Variants in GART observed in about 807,000 individuals in gnomAD.
The protein encoded by GART is phosphoribosylglycinamide formyltransferase, phosphoribosylglycinamide synthetase, phosphoribosylaminoimidazole synthetase.
GART carries 43 observed loss-of-function variants against 107.2 expected under a neutral mutation model. The ratio of observed to expected loss-of-function variants is 0.40; its 90% confidence interval spans 0.31 to 0.52. GART has a LOEUF of 0.52. Ranked by LOEUF, GART falls within the 20% of genes least tolerant of loss-of-function variation. GART has a pLI of 0.52. For missense variants in GART, 1,107 were observed against 1,206.5 expected, an observed-to-expected ratio of 0.92 and a Z score of 1.22; for synonymous variants, 434 against 427.0, an observed-to-expected ratio of 1.02 and a Z score of -0.20.
chr21:33,512,289 G>GAAAAAAAAA (rs563178142), intron 16 of GART, among the ~76,000 whole-genome samples: 2 of 65,446 alleles, frequency 3.1e-5, no homozygotes, highest in African/African-American at 6.2e-5. Context: ...GACTCAAATT[G>GAAAAAAAAA]AAAAAAAAAA....
chr21:33,524,760 G>C lies in GART; in HGVS notation c.1298+9C>G, dbSNP rs201833951. 1 of 1,614,158 alleles carries C rather than the reference G, an allele frequency of 6.2e-7. No individual in the cohort carries two copies. Among genetic ancestry groups the C allele is most frequent in the African/African-American group, 1.3e-5 (1 of 75,062 alleles). On this transcript the variant is annotated intron_variant, in intron 11 of 21. Coordinates refer to ENST00000381815, the MANE Select transcript of GART (RefSeq NM_000819.5). ...AATGGCACTACAGCTAACTTGCTTAGAGTTTTACCTGGGCTGCTGGAGGAA... is the reference window on the plus strand; with the variant it reads ...AATGGCACTACAGCTAACTTGCTTACAGTTTTACCTGGGCTGCTGGAGGAA...
rs1401457595 is a variant in GART at position 33,528,957 on chromosome 21, A to G, written c.724-20T>C. The G allele has an allele frequency of 6.6e-7, 1 of 1,524,610 alleles. No individual in the cohort carries two copies. Among genetic ancestry groups the G allele is most frequent in the Admixed American group, 1.7e-5 (1 of 59,726 alleles). 94.4% of individuals were successfully genotyped at this position (1,524,610 alleles called of 1,614,324 possible). A position where few individuals can be genotyped will look rare whatever the true frequency, so the allele number is the denominator to read the frequency against. On this transcript the variant is annotated intron_variant, in intron 7 of 21. Transcript: ENST00000381815. ...AGAAACCTGGAGAACGTGCAGAAAC[A>G]GTTAAATGTAACAGGTAACTTAAAA...
chr21:33,518,365 C>A (rs1274451367), intron 14 of GART, among the ~76,000 whole-genome samples: 3 of 152,038 alleles, frequency 2.0e-5, no homozygotes, highest in Non-Finnish European at 4.4e-5. Context: ...GTAATCCCAG[C>A]TACTTGGGAG....
chr21:33,527,787 T>C (rs2085102755), intron 10 of GART, among the ~76,000 whole-genome samples: 1 of 152,204 alleles, frequency 6.6e-6, no homozygotes, highest in African/African-American at 2.4e-5. Context: ...TATGCATTTG[T>C]GATAATTCAG....
intron 2 of GART, among the ~76,000 whole-genome samples, chr21:33,535,720 C>T (rs912083278): frequency 6.6e-6 from 1 of 152,100 alleles, no homozygotes; most frequent in African/African-American, 2.4e-5. Context: ...GTACTGTCCT[C>T]AGCACTGGTA....
intron 18 of GART, among the ~76,000 whole-genome samples, chr21:33,508,378 T>A (rs1236262811): frequency 6.6e-6 from 1 of 152,116 alleles, no homozygotes; most frequent in Non-Finnish European, 1.5e-5. Flanking sequence ...GTTTATTACA[T>A]GGGAATGTTG....
At chr21:33,530,670 G>C in intron 7 of GART, 89 bp downstream of exon 7, 2 of 1,257,258 alleles carry the variant, frequency 1.6e-6, no homozygotes, top group Non-Finnish European at 2.1e-6. Flanking sequence ...CAAACAAACA[G>C]AAAACAAAAC....
chr21:33,531,150 C>A (rs896954790), intron 6 of GART: 15 of 388,968 alleles, frequency 3.9e-5, no homozygotes, highest in African/African-American at 2.9e-4. Context: ...ACCTTTCCCC[C>A]ACTTTAAGCT....
chr21:33,505,342 T>C (rs1392990404), intron 20 of GART, among the ~76,000 whole-genome samples: 1 of 152,162 alleles, frequency 6.6e-6, no homozygotes, highest in Non-Finnish European at 1.5e-5. Context: ...AGTAAATGGA[T>C]AGAGAGCAGG....
chr21:33,522,142 A>T, intron 12 of GART, 46 bp downstream of exon 12: 1 of 1,345,588 alleles, frequency 7.4e-7, no homozygotes, highest in East Asian at 2.3e-5. Context: ...ATCCATTCAC[A>T]ATGTATATCA....
chr21:33,507,839 AAAAC>A (rs931819126), intron 18 of GART, among the ~76,000 whole-genome samples: 1 of 151,990 alleles, frequency 6.6e-6, no homozygotes, highest in African/African-American at 2.4e-5. Flanking sequence ...CTCAAAAACA[AAAAC>A]AAAAACAAAA....
intron 11 of GART, 32 bp from the exon 12 acceptor site, chr21:33,522,314 C>A (rs186691507): frequency 2.4e-5 from 34 of 1,427,986 alleles, no homozygotes; most frequent in Admixed American, 2.2e-4. Flanking sequence ...ATCACCTAAA[C>A]GTCAGGGAAA....
rs777891583 is a variant in GART at position 33,539,194 on chromosome 21, C to G, written c.122G>C (p.Cys41Ser). 2.8e-5 allele frequency: 45 copies of G among 1,613,348 alleles called. No homozygotes were observed. The Admixed American group carries it at 7.5e-4, about 27-fold the overall frequency. The part of the protein sequence containing the change: ...LVAPGNAGTA[C>S]SEKISNTAIS... ...ACCGGTATTTGAAATCTTTTCAGAG[C>G]AGGCAGTGCCTGCGTTTCCTGGGGC... The change falls in exon 2 of 22, where the codon TGC becomes TCC. Residue 41 changes from cysteine (C) to serine (S), a missense_variant. Coordinates refer to ENST00000381815, the MANE Select transcript of GART (RefSeq NM_000819.5).
At chr21:33,524,594 C>CTATTT in intron 11 of GART, 175 bp downstream of exon 11, 1 of 540,318 alleles carries the variant, frequency 1.9e-6, no homozygotes, top group Non-Finnish European at 2.3e-6. Flanking sequence ...GAAGTTTTTT[C>CTATTT]CATTTGAGTA....
Position 33,532,456 on chromosome 21 carries a change from A to C in GART, c.417T>G (p.Ser139Arg). ...KPEEACSFIL[S>R]ADFPALVVKA... ...TCACAACCAAAGCAGGGAAGTCTGC[A>C]CTGTAAAGACAGAGTAATCGTCAAC... Residue 139 changes from serine (S) to arginine (R), a missense_variant and splice_region_variant, in exon 5 of 22, where the codon AGT (serine) becomes AGG (arginine). By Grantham distance (110) the Ser-to-Arg change is moderately radical. Transcript: ENST00000381815. The C allele has an allele frequency of 6.2e-7, 1 of 1,607,152 alleles. No individual in the cohort carries two copies. Among genetic ancestry groups the C allele is most frequent in the South Asian group, 1.1e-5 (1 of 90,862 alleles).
Position 33,539,371 on chromosome 21 carries a change from C to A in GART, c.-41-15G>T. On this transcript the variant is annotated splice_polypyrimidine_tract_variant and intron_variant, in intron 1 of 21. Transcript: ENST00000381815. ...GAAAATGAAACCTGCAGAAAGAAAACCACAGTTTATATCTTAGGATGCACA... is the reference window on the plus strand; with the variant it reads ...GAAAATGAAACCTGCAGAAAGAAAAACACAGTTTATATCTTAGGATGCACA... 6.3e-7 allele frequency: 1 copy of A among 1,579,956 alleles called. No homozygotes were observed. Among genetic ancestry groups the A allele is most frequent in the Non-Finnish European group, 8.6e-7 (1 of 1,164,614 alleles).
Position 33,505,619 on chromosome 21 carries a change from T to C in GART, c.2667A>G (p.Ile889Met). The C allele has an allele frequency of 6.2e-7, 1 of 1,612,334 alleles. No individual in the cohort carries two copies. Among genetic ancestry groups the C allele is most frequent in the Non-Finnish European group, 8.5e-7 (1 of 1,179,304 alleles). ...TTCTCATGAATCCTGCAAGACAGACTATGTCTATGGAGAACTCTTCAAGGA... is the reference window on the plus strand; with the variant it reads ...TTCTCATGAATCCTGCAAGACAGACCATGTCTATGGAGAACTCTTCAAGGA... ...DLVLEEFSIDIVCLAGFMRIL... is the reference protein window; with the variant it reads ...DLVLEEFSIDMVCLAGFMRIL... Residue 889 changes from isoleucine (I) to methionine (M), a missense_variant, in exon 20 of 22, where the codon ATA (isoleucine) becomes ATG (methionine). Ile to Met is a conservative substitution (Grantham distance 10). Transcript: ENST00000381815.
At chr21:33,513,566 T>C (rs1232639251) in intron 16 of GART, among the ~76,000 whole-genome samples, 1 of 151,994 alleles carries the variant, frequency 6.6e-6, no homozygotes, top group Non-Finnish European at 1.5e-5. Context: ...TGAGACTCTG[T>C]CTAAAAAAAT....
chr21:33,528,636 A>G, intron 8 of GART, 32 bp from the exon 9 acceptor site: 1 of 1,355,212 alleles, frequency 7.4e-7, no homozygotes, highest in Non-Finnish European at 1.0e-6. Context: ...AAAAAAAGAG[A>G]GAAAGAAAAT....
Sources: allele counts gnomAD v4.1 joint callset (sites outside exome capture counted in the v4.1 genomes callset), GRCh38; gene constraint gnomAD v4.1.1; transcripts MANE v1.5; gene names NCBI Gene and HGNC (gene_info 2026-07-23, HGNC 2026-07-21).